LRTM1: variants seen among roughly 807,000 people sequenced by gnomAD.
LRTM1 encodes leucine rich repeat transmembrane protein 1, also known as leucine-rich repeat and transmembrane domain-containing protein 1.
Under a neutral mutation model 32.4 loss-of-function variants are expected in LRTM1, and 38 were observed. The observed-to-expected ratio is 1.17, with a 90% confidence interval of 0.91 to 1.54. LRTM1 has a LOEUF of 1.54. LRTM1 is among the 40% of genes most tolerant of loss of function. The probability of loss-of-function intolerance (pLI) is 0.00; values close to 1 mark genes in which losing one functional copy is unlikely to be tolerated. For synonymous variants in LRTM1, 186 were observed against 169.9 expected, an observed-to-expected ratio of 1.09 and a Z score of -0.74; for missense variants, 466 against 415.4, an observed-to-expected ratio of 1.12 and a Z score of -1.06.
chr3:54,936,799 G>A (rs1377547008), intron 1 of LRTM1, among the ~76,000 whole-genome samples: 2 of 152,186 alleles, frequency 1.3e-5, no homozygotes, highest in Non-Finnish European at 2.9e-5. Context: ...GACTATCAGA[G>A]TTTTGAGGTT....
chr3:54,948,084 G>A (rs1701659871), intron 1 of LRTM1, among the ~76,000 whole-genome samples: 1 of 152,204 alleles, frequency 6.6e-6, no homozygotes, highest in Non-Finnish European at 1.5e-5. Flanking sequence ...ATGTCCAGGT[G>A]AATATCACCC....
At chr3:54,943,159 G>A (rs1183085631) in intron 1 of LRTM1, among the ~76,000 whole-genome samples, 3 of 151,070 alleles carry the variant, frequency 2.0e-5, no homozygotes, top group Non-Finnish European at 1.5e-5. Flanking sequence ...CTATGATCAT[G>A]CCACTTCACT....
chr3:54,961,799 C>T (rs556518963), intron 1 of LRTM1, among the ~76,000 whole-genome samples: 1 of 152,286 alleles, frequency 6.6e-6, no homozygotes, highest in African/African-American at 2.4e-5. Flanking sequence ...AGGACATCTT[C>T]TGTTTTCTTT....
chr3:54,949,601 G>A (rs984162724), intron 1 of LRTM1, among the ~76,000 whole-genome samples: 2 of 152,170 alleles, frequency 1.3e-5, no homozygotes, highest in Non-Finnish European at 2.9e-5. Context: ...TGGAATCAGG[G>A]CACATTATCA....
At chr3:54,955,960 G>A (rs1314346419) in intron 1 of LRTM1, among the ~76,000 whole-genome samples, 1 of 152,100 alleles carries the variant, frequency 6.6e-6, no homozygotes, top group Non-Finnish European at 1.5e-5. Context: ...TCCACTCCAG[G>A]GCTGACTCCC....
In LRTM1 at chr3:54,943,203, T is replaced by TAAAA. The variant is rs34708598; in HGVS notation, c.-221-17992_-221-17989dup. Among the ~76,000 whole-genome samples, 538 of 142,150 alleles carry TAAAA rather than the reference T, an allele frequency of 3.8e-3. 7 individuals carry two copies. Among genetic ancestry groups the TAAAA allele is most frequent in the African/African-American group, 0.012 (455 of 38,154 alleles). 93.3% of individuals were successfully genotyped at this position (142,150 alleles called of 152,430 possible). A position where few individuals can be genotyped will look rare whatever the true frequency, so the allele number is the denominator to read the frequency against. ...GGTAATAGCAACACGCTATCTCTGG[T>TAAAA]AAAAAAAAAAAAAATGAGAATAATA... On this transcript the variant is annotated intron_variant, in intron 1 of 2. Coordinates refer to the LRTM1 transcript ENST00000493075.
rs550171627 is a variant in LRTM1 at position 54,963,182 on chromosome 3, T to A, written c.-222+3746A>T. Among the ~76,000 whole-genome samples, 4 of 152,166 alleles carry A rather than the reference T, an allele frequency of 2.6e-5. No homozygotes were observed. In the South Asian group the frequency reaches 8.3e-4, roughly 31 times the overall value. On this transcript the variant is annotated intron_variant, in intron 1 of 2. Transcript: ENST00000493075. ...GGTTCATTCAAACTCATTTCCAACT[T>A]CCCCTTGCAAGTCCAGGTTGTCTCA... is the stretch of plus-strand genomic sequence containing the variant.
chr3:54,951,483 G>T (rs1701755369), intron 1 of LRTM1, among the ~76,000 whole-genome samples: 1 of 152,206 alleles, frequency 6.6e-6, no homozygotes, highest in Non-Finnish European at 1.5e-5. Context: ...GGGGTGGGGG[G>T]CTGCTGTCCT....
chr3:54,935,844 A>G (rs1026831784), intron 1 of LRTM1, among the ~76,000 whole-genome samples: 2 of 152,250 alleles, frequency 1.3e-5, no homozygotes, highest in African/African-American at 4.8e-5. Context: ...TCTTTGATAT[A>G]TACATAGCTT....
At chr3:54,945,011 A>G (rs983243692) in intron 1 of LRTM1, among the ~76,000 whole-genome samples, 2 of 152,182 alleles carry the variant, frequency 1.3e-5, no homozygotes, top group African/African-American at 2.4e-5. Context: ...GGGTGAATCA[A>G]TGAAAACTTA....
intron 1 of LRTM1, among the ~76,000 whole-genome samples, chr3:54,956,434 C>A (rs143605611): frequency 4.6e-5 from 7 of 152,240 alleles, no homozygotes; most frequent in Admixed American, 4.6e-4. Flanking sequence ...TTTTAACCTT[C>A]CTGTCTTTGT....
At chr3:54,941,697 C>T (rs1701470531) in intron 1 of LRTM1, among the ~76,000 whole-genome samples, 1 of 152,198 alleles carries the variant, frequency 6.6e-6, no homozygotes, top group South Asian at 2.1e-4. Context: ...GTAATAATTT[C>T]TTCCTGCTAA....
chr3:54,963,427 A>G (rs1425759834), intron 1 of LRTM1, among the ~76,000 whole-genome samples: 1 of 152,232 alleles, frequency 6.6e-6, no homozygotes, highest in East Asian at 1.9e-4. Context: ...TGCATGGTCC[A>G]GTACCGTAGC....
rs142788847 is a variant in LRTM1, at chr3:54,919,235, C to T, written c.605-343G>A. Among the ~76,000 whole-genome samples the T allele has an allele frequency of 3.7e-3, 569 of 152,308 alleles. 4 individuals are homozygous for T. Among genetic ancestry groups the T allele is most frequent in the African/African-American group, 0.01 (424 of 41,572 alleles). ...TGAGGGCACAGCTGCCCACTGCATT[C>T]GTGCCACGCATGGTCCTAGTGAGCC... On this transcript the variant is annotated intron_variant, in intron 2 of 2. Coordinates refer to ENST00000273286, the MANE Select transcript of LRTM1 (RefSeq NM_020678.4).
At chr3:54,924,053 G>A (rs1700938672) in intron 2 of LRTM1, among the ~76,000 whole-genome samples, 2 of 152,200 alleles carry the variant, frequency 1.3e-5, no homozygotes, top group South Asian at 2.1e-4. Flanking sequence ...ATCTTTAATA[G>A]TCTGAGATCT....
In LRTM1 at chr3:54,952,326, G is replaced by A. The variant is rs572349789; in HGVS notation, c.-222+14602C>T. Among the ~76,000 whole-genome samples, 383 of 152,300 alleles carry A rather than the reference G, an allele frequency of 2.5e-3. 2 individuals are homozygous for A. The highest frequency in any genetic ancestry group is 6.8e-3 in the Middle Eastern group (2 of 294). On this transcript the variant is annotated intron_variant, in intron 1 of 2. Coordinates refer to the LRTM1 transcript ENST00000493075. ...TCTGATCTCTCTGGGGCCCTGCCTA[G>A]TTTCCCAGGAGGCTCCCCAGTTGTC...
intron 1 of LRTM1, among the ~76,000 whole-genome samples, chr3:54,949,040 T>C (rs925058161): frequency 1.3e-5 from 2 of 152,238 alleles, no homozygotes; most frequent in Non-Finnish European, 2.9e-5. Flanking sequence ...TACTTTTCTT[T>C]GTGTCAGCCC....
At chr3:54,960,291 A>T (rs1418786017) in intron 1 of LRTM1, among the ~76,000 whole-genome samples, 2 of 149,552 alleles carry the variant, frequency 1.3e-5, no homozygotes, top group Non-Finnish European at 1.5e-5. Flanking sequence ...CACCACAGAC[A>T]TATATCATGG....
At chr3:54,922,731 G>A (rs1422482492) in intron 2 of LRTM1, among the ~76,000 whole-genome samples, 2 of 151,896 alleles carry the variant, frequency 1.3e-5, no homozygotes, top group African/African-American at 2.4e-5. Flanking sequence ...CCAACTCAAC[G>A]ACTCCCCATG....
Sources: gnomAD v4.1 joint callset for allele counts (sites outside exome capture counted in the v4.1 genomes callset) on GRCh38, gnomAD v4.1.1 for gene constraint, MANE v1.5 for transcripts, NCBI Gene and HGNC (gene_info 2026-07-23, HGNC 2026-07-21) for gene names.